USP24: variants seen among roughly 807,000 people sequenced by gnomAD.
The protein encoded by USP24 is ubiquitin carboxyl-terminal hydrolase 24.
In USP24, 97 loss-of-function variants were observed where a neutral mutation model predicts 361.6. That is an observed-to-expected ratio of 0.27 (90% confidence interval 0.23 to 0.32). The LOEUF is 0.32. USP24 is among the 10% of genes least tolerant of loss of function. The pLI is 1.00. For missense variants in USP24, 2,353 were observed against 3,165.6 expected (o/e 0.74, Z 6.16); for synonymous variants, 1,098 against 1,124.6 (o/e 0.98, Z 0.47).
chr1:55,167,493 A>G (rs1649005192), intron 5 of USP24, among the ~76,000 whole-genome samples: 1 of 152,150 alleles, frequency 6.6e-6, no homozygotes. Flanking sequence ...TACAGACCAT[A>G]ATTAGAAAGA....
intron 38 of USP24, among the ~76,000 whole-genome samples, chr1:55,112,732 T>C (rs1645990714): frequency 6.6e-6 from 1 of 152,186 alleles, no homozygotes; most frequent in Non-Finnish European, 1.5e-5. Context: ...GAAAAGAATG[T>C]ATATTCTGTT....
chr1:55,115,313 G>A (rs530990455), intron 38 of USP24, among the ~76,000 whole-genome samples: 2 of 151,802 alleles, frequency 1.3e-5, no homozygotes, highest in East Asian at 1.9e-4. Context: ...GGTCTAAAAC[G>A]GTGAAACCCC....
rs955397504 is a variant in USP24, at chr1:55,100,931, G to A, written c.5179C>T (p.Pro1727Ser). ...LLSVDDDTDN[P>S]DDSVFYQVQS... ...ACTTGGTAAAACACGCTATCATCTG[G>A]ATTGTCTGTGTCATCATCCACTGAA... is the stretch of plus-strand genomic sequence containing the variant. The change falls in exon 44 of 68, where the codon CCA (proline) becomes TCA (serine). Residue 1727 changes from proline to serine, a missense_variant. By Grantham distance (74) the Pro-to-Ser change is moderately conservative (BLOSUM62 -1). Transcript: ENST00000294383. 4.3e-6 allele frequency: 7 copies of A among 1,613,068 alleles called. No individual in the cohort carries two copies. Among genetic ancestry groups the A allele is most frequent in the African/African-American group, 1.3e-5 (1 of 74,884 alleles).
chr1:55,178,248 C>CT, intron 1 of USP24, 116 bp from the exon 2 acceptor site: 2 of 1,020,698 alleles, frequency 2.0e-6, no homozygotes, highest in Non-Finnish European at 2.9e-6. Flanking sequence ...ATACCAATAG[C>CT]ATGGATTCTA....
chr1:55,091,894 G>A (rs1335202958), intron 54 of USP24, 129 bp downstream of exon 54: 1 of 661,194 alleles, frequency 1.5e-6, no homozygotes, highest in African/African-American at 1.8e-5. Flanking sequence ...TAAAGCTAGA[G>A]ACCATGTCTT....
At position 55,142,863 on chromosome 1, in the gene USP24, T is replaced by C; in HGVS notation, c.2581-68A>G. ...GTTGTAATCATTATTCAGGACAAAA[T>C]ATCAAAATAAAGAAGCCAATTTTTG... On this transcript the variant is annotated intron_variant, in intron 22 of 67. Coordinates refer to ENST00000294383, the MANE Select transcript of USP24 (RefSeq NM_015306.3). 4 of 1,427,994 alleles carry C rather than the reference T, an allele frequency of 2.8e-6. No homozygotes were observed. The East Asian group carries it at 1.0e-4, about 36-fold the overall frequency. The allele number at this position is 1,427,994 out of a possible 1,614,324, so 88.5% of individuals were successfully genotyped here.
chr1:55,084,302 C>A (rs1645207427), intron 56 of USP24: 1 of 162,790 alleles, frequency 6.1e-6, no homozygotes, highest in Non-Finnish European at 1.3e-5. Flanking sequence ...CAGACACAGG[C>A]ATAGGGGCTG....
rs1384614633 is a variant in USP24 at position 55,110,240 on chromosome 1, T to C, written c.4515A>G (p.Leu1505=). The C allele has an allele frequency of 6.5e-7, 1 of 1,537,372 alleles. No homozygotes were observed. The change falls in exon 39 of 68, where the codon TTA becomes TTG. Residue 1505 remains leucine (L), a synonymous_variant. Coordinates refer to ENST00000294383, the MANE Select transcript of USP24 (RefSeq NM_015306.3). ...AATCAAAATACTCCATACACTGAGA[T>C]AACAGTCTAAAAAACAGAAAGGTTT... ...SIMRGVNQRL[L]SQCMEYFDLR...
intron 20 of USP24, 125 bp from the exon 21 acceptor site, chr1:55,144,328 A>G: frequency 1.9e-6 from 1 of 515,708 alleles, no homozygotes. Flanking sequence ...TAGATATGGT[A>G]CCAAAGCAGA....
chr1:55,081,182 T>C, intron 59 of USP24, 140 bp downstream of exon 59: 2 of 808,258 alleles, frequency 2.5e-6, no homozygotes, highest in Non-Finnish European at 3.9e-6. Context: ...TTAACATGAA[T>C]TAAAACAAAA....
rs1240538807 is a variant in USP24, at chr1:55,148,459, T to C, written c.1968+4A>G. On this transcript the variant is annotated splice_donor_region_variant and intron_variant, in intron 17 of 67. Transcript: ENST00000294383. ...ATAATAATAAAAAATAGCTATACCCTTACCTTGTCTTGCTTTTGATAGGTT... is the reference window on the plus strand; with the variant it reads ...ATAATAATAAAAAATAGCTATACCCCTACCTTGTCTTGCTTTTGATAGGTT... The C allele has an allele frequency of 1.9e-6, 3 of 1,560,040 alleles. No homozygotes were observed. The highest frequency in any genetic ancestry group is 1.7e-4 in the Middle Eastern group (1 of 5,984).
chr1:55,096,674 T>G, intron 49 of USP24, 52 bp from the exon 50 acceptor site: 1 of 1,576,896 alleles, frequency 6.3e-7, no homozygotes, highest in Non-Finnish European at 8.6e-7. Context: ...ATCAACCTCC[T>G]CATCCTTAGC....
chr1:55,140,687 T>C (rs1489739413), intron 24 of USP24, among the ~76,000 whole-genome samples: 2 of 152,024 alleles, frequency 1.3e-5, no homozygotes, highest in Non-Finnish European at 1.5e-5. Flanking sequence ...CATTCTAGAG[T>C]AGAGAAAGAC....
Position 55,110,232 on chromosome 1 carries a change from C to T in USP24, c.4523G>A (p.Cys1508Tyr). Residue 1508 changes from cysteine (C) to tyrosine (Y), a missense_variant, in exon 39 of 68, where the codon TGT becomes TAT. Physicochemically the swap from Cys to Tyr is radical, Grantham distance 194. Around this residue, in one of 8 missense-constraint regions of USP24, gnomAD observed 949 missense variants for 1,280.5 expected, o/e 0.74. Transcript: ENST00000294383. ...RGVNQRLLSQ[C>Y]MEYFDLRCQL... ...GCATCTCAAATCAAAATACTCCATA[C>T]ACTGAGATAACAGTCTAAAAAACAG... 6.5e-7 allele frequency: 1 copy of T among 1,547,130 alleles called. No homozygotes were observed. The highest frequency in any genetic ancestry group is 8.7e-7 in the Non-Finnish European group (1 of 1,145,066).
At chr1:55,150,088 C>T (rs1020884510) in intron 16 of USP24, among the ~76,000 whole-genome samples, 1 of 152,120 alleles carries the variant, frequency 6.6e-6, no homozygotes, top group African/African-American at 2.4e-5. Context: ...TTGTAGTGTA[C>T]ATAACTCAAT....
intron 64 of USP24, chr1:55,073,066 G>A (rs1182432686): frequency 1.2e-5 from 7 of 569,838 alleles, no homozygotes; most frequent in Non-Finnish European, 3.1e-6. Context: ...GGGAGGAATA[G>A]GGAGTCAGTC....
Position 55,072,876 on chromosome 1 carries a change from G to T in USP24, c.7527-15C>A, listed in dbSNP as rs1343460357. On this transcript the variant is annotated splice_polypyrimidine_tract_variant and intron_variant, in intron 64 of 67. Transcript: ENST00000294383. ...CTGCAGGACACCTGATGACCGAGGA[G>T]ATTTTTATTAGCCAAATTCTTTCTT... 5 of 1,593,958 alleles carry T rather than the reference G, an allele frequency of 3.1e-6. No homozygotes were observed. The African/African-American group carries it at 6.7e-5, about 21-fold the overall frequency.
At chr1:55,189,744 G>A (rs922141623) in intron 1 of USP24, among the ~76,000 whole-genome samples, 8 of 152,130 alleles carry the variant, frequency 5.3e-5, no homozygotes, top group African/African-American at 1.9e-4. Context: ...TAACAAAAAT[G>A]AGTTCAATGA....
rs113887770 is a variant in USP24, at chr1:55,111,313, G to T, written c.4509-1067C>A. On this transcript the variant is annotated intron_variant, in intron 38 of 67. Coordinates refer to ENST00000294383, the MANE Select transcript of USP24 (RefSeq NM_015306.3). Reference sequence around the variant, plus strand: ...CTCTACCTTCAACATATTTTTAAGAGATTCTTTAAGAGTATATGTTAAAAC... The same window carrying T: ...CTCTACCTTCAACATATTTTTAAGATATTCTTTAAGAGTATATGTTAAAAC... Among the ~76,000 whole-genome samples the T allele has an allele frequency of 2.5e-3, 380 of 152,108 alleles. 1 individual carries two copies. The highest frequency in any genetic ancestry group is 8.4e-3 in the African/African-American group (350 of 41,532).
Sources: allele counts gnomAD v4.1 joint callset (sites outside exome capture counted in the v4.1 genomes callset), GRCh38; gene constraint gnomAD v4.1.1; regional missense constraint gnomAD v4.1.1; transcripts MANE v1.5; gene names NCBI Gene and HGNC (gene_info 2026-07-23, HGNC 2026-07-21).